SEMA3C: variants seen among roughly 807,000 people sequenced by gnomAD.
SEMA3C encodes the protein semaphorin-3C.
A neutral mutation model predicts 89.4 loss-of-function variants in SEMA3C; 47 were observed. That is an observed-to-expected ratio of 0.53 (90% CI 0.42 to 0.67). The LOEUF (loss-of-function observed/expected upper bound fraction) is 0.67. Ranked by LOEUF, SEMA3C falls within the 30% of genes least tolerant of loss-of-function variation. The pLI is 0.00. For missense variants in SEMA3C, 839 were observed against 929.1 expected, an observed-to-expected ratio of 0.90 and a Z score of 1.26; for synonymous variants, 310 against 320.2, an observed-to-expected ratio of 0.97 and a Z score of 0.34.
At chr7:80,780,196 C>T (rs1261484099) in intron 12 of SEMA3C, among the ~76,000 whole-genome samples, 1 of 152,170 alleles carries the variant, frequency 6.6e-6, no homozygotes, top group Non-Finnish European at 1.5e-5. Context: ...CAGCCACTCC[C>T]ATGTGAAATA....
intron 12 of SEMA3C, among the ~76,000 whole-genome samples, chr7:80,767,089 TC>T (rs1788321991): frequency 6.6e-6 from 1 of 152,206 alleles, no homozygotes; most frequent in Non-Finnish European, 1.5e-5. Context: ...GTATTTTTCT[TC>T]CTTCCATTCC....
chr7:80,898,439 G>A (rs1791793355), intron 2 of SEMA3C, among the ~76,000 whole-genome samples: 1 of 152,072 alleles, frequency 6.6e-6, no homozygotes, highest in South Asian at 2.1e-4. Context: ...TTGAAGATGA[G>A]TAACACTGAA....
upstream of SEMA3C, among the ~76,000 whole-genome samples, chr7:80,920,443 C>A (rs1792387005): frequency 6.6e-6 from 1 of 151,976 alleles, no homozygotes; most frequent in Non-Finnish European, 1.5e-5. Flanking sequence ...TCTGGGGGTG[C>A]AAAATCATTG....
intron 2 of SEMA3C, among the ~76,000 whole-genome samples, chr7:80,877,952 A>C (rs1347562920): frequency 6.6e-6 from 1 of 152,214 alleles, no homozygotes; most frequent in Non-Finnish European, 1.5e-5. Flanking sequence ...ACTTCACTTC[A>C]ACTCACACCT....
At chr7:80,774,405 G>A (rs1240805158) in intron 12 of SEMA3C, among the ~76,000 whole-genome samples, 1 of 151,998 alleles carries the variant, frequency 6.6e-6, no homozygotes, top group Non-Finnish European at 1.5e-5. Context: ...CATTAAAGCA[G>A]TTATTATAAT....
chr7:80,863,799 GAT>G (rs1465095991), intron 2 of SEMA3C, among the ~76,000 whole-genome samples: 2 of 115,434 alleles, frequency 1.7e-5, no homozygotes, highest in Non-Finnish European at 3.4e-5. Flanking sequence ...TATTCCATCT[GAT>G]ATATATGTGA....
intron 2 of SEMA3C, among the ~76,000 whole-genome samples, chr7:80,868,071 T>G (rs980263337): frequency 1.3e-5 from 2 of 152,164 alleles, no homozygotes; most frequent in African/African-American, 4.8e-5. Flanking sequence ...AAATTCCTTG[T>G]TTTTAACAAT....
intron 10 of SEMA3C, among the ~76,000 whole-genome samples, chr7:80,799,618 C>T (rs1374874122): frequency 4.0e-5 from 6 of 150,892 alleles, no homozygotes; most frequent in South Asian, 2.1e-4. Context: ...CCAAGTCAGG[C>T]GGATCACGAG....
Position 80,828,604 on chromosome 7 carries a change from A to C in SEMA3C, c.245T>G (p.Ile82Arg). ...ACTTACACTCAAAGCTTCTTGACTTATATTGTTAATATTCAGGGAAAGAAT... is the reference window on the plus strand; with the variant it reads ...ACTTACACTCAAAGCTTCTTGACTTCTATTGTTAATATTCAGGGAAAGAAT... ...DHILSLNINN[I>R]SQEALSVFWP... The change falls in exon 3 of 18, where the codon ATA (isoleucine) becomes AGA (arginine). Residue 82 changes from isoleucine (I) to arginine (R), a missense_variant. Physicochemically the swap from Ile to Arg is moderately conservative, Grantham distance 97 (BLOSUM62 -3). Transcript: ENST00000265361. 6.2e-7 allele frequency: 1 copy of C among 1,608,840 alleles called. No individual in the cohort carries two copies. The highest frequency in any genetic ancestry group is 8.5e-7 in the Non-Finnish European group (1 of 1,176,734).
chr7:80,797,457 C>G (rs1417095914), intron 11 of SEMA3C, among the ~76,000 whole-genome samples: 1 of 152,118 alleles, frequency 6.6e-6, no homozygotes, highest in Non-Finnish European at 1.5e-5. Context: ...AATAACAGTA[C>G]TTCTAGTTCA....
rs1312002486 is a variant in SEMA3C, at chr7:80,916,786, T to A, written c.-5A>T. On this transcript the variant is annotated 5_prime_UTR_variant, in exon 2 of 18. Transcript: ENST00000265361. ...GCAAATTGTCCGGAATGCCATTTCT[T>A]CAGATATGCAAGTTAATATCCAAGG... 2 of 1,613,398 alleles carry A rather than the reference T, an allele frequency of 1.2e-6. No individual in the cohort carries two copies. Among genetic ancestry groups the A allele is most frequent in the South Asian group, 2.2e-5 (2 of 91,064 alleles).
At chr7:80,765,982 A>T (rs1485657223) in intron 12 of SEMA3C, among the ~76,000 whole-genome samples, 2 of 152,230 alleles carry the variant, frequency 1.3e-5, no homozygotes, top group Non-Finnish European at 2.9e-5. Flanking sequence ...TGATTTCATT[A>T]TCTGAAGAAA....
chr7:80,886,212 T>A (rs894886129), intron 2 of SEMA3C, among the ~76,000 whole-genome samples: 17 of 152,200 alleles, frequency 1.1e-4, no homozygotes. Flanking sequence ...CCTTTTTTTT[T>A]TACTTTTAAT....
At chr7:80,786,396 GAA>G (rs565539659) in intron 12 of SEMA3C, among the ~76,000 whole-genome samples, 1 of 129,192 alleles carries the variant, frequency 7.7e-6, no homozygotes. Context: ...AGATTTTCAT[GAA>G]AAAAAAAAAA....
chr7:80,818,284 A>G lies in SEMA3C; in HGVS notation c.447+15T>C. The G allele has an allele frequency of 6.4e-7, 1 of 1,571,872 alleles. No individual in the cohort carries two copies. Among genetic ancestry groups the G allele is most frequent in the Non-Finnish European group, 8.7e-7 (1 of 1,151,178 alleles). On this transcript the variant is annotated intron_variant, in intron 5 of 17. Transcript: ENST00000265361. Reference sequence around the variant, plus strand: ...ACTAATATCAAAACTAAGAATGTTAAATAGTTATACTTACCTCTGATCTCC... The same window carrying G: ...ACTAATATCAAAACTAAGAATGTTAGATAGTTATACTTACCTCTGATCTCC...
At chr7:80,900,349 G>A (rs569328843) in intron 2 of SEMA3C, among the ~76,000 whole-genome samples, 7 of 152,190 alleles carry the variant, frequency 4.6e-5, no homozygotes, top group East Asian at 1.9e-4. Flanking sequence ...TCCTGACCTC[G>A]TGATCCATCC....
chr7:80,855,215 A>T (rs996457958), intron 2 of SEMA3C, among the ~76,000 whole-genome samples: 1 of 152,168 alleles, frequency 6.6e-6, no homozygotes, highest in African/African-American at 2.4e-5. Context: ...TTACTTCAGG[A>T]CAATTGGCAC....
chr7:80,788,807 G>A (rs17154454), intron 12 of SEMA3C, among the ~76,000 whole-genome samples: 7,166 of 152,214 alleles, frequency 0.047, 367 homozygotes, highest in African/African-American at 0.11. Flanking sequence ...TATTGATTAA[G>A]AAGTCACAGA....
chr7:80,901,986 G>A (rs1026334051), intron 2 of SEMA3C, among the ~76,000 whole-genome samples: 1 of 151,944 alleles, frequency 6.6e-6, no homozygotes, highest in Non-Finnish European at 1.5e-5. Context: ...AGACTGTCTC[G>A]CTGTCACCCA....
Sources: allele counts gnomAD v4.1 joint callset (sites outside exome capture counted in the v4.1 genomes callset), GRCh38; gene constraint gnomAD v4.1.1; transcripts MANE v1.5; gene names NCBI Gene and HGNC (gene_info 2026-07-23, HGNC 2026-07-21).